HLCS: variants seen among roughly 807,000 people sequenced by gnomAD.
HLCS encodes holocarboxylase synthetase.
HLCS carries 53 observed loss-of-function variants against 75.0 expected under a neutral mutation model. The observed-to-expected ratio is 0.71, with a 90% CI of 0.57 to 0.89. HLCS has a LOEUF of 0.89. HLCS is among the 40% of genes least tolerant of loss of function. HLCS has a pLI of 0.00. For synonymous variants in HLCS, 431 were observed against 428.6 expected (o/e 1.01, Z -0.07); for missense variants, 966 against 1,074.0 (o/e 0.90, Z 1.41).
chr21:36,865,840 C>A (rs1472437358), intron 6 of HLCS, among the ~76,000 whole-genome samples: 2 of 152,198 alleles, frequency 1.3e-5, no homozygotes, highest in Non-Finnish European at 2.9e-5. Context: ...TCTCTTATAT[C>A]TCACATCTGG....
intron 6 of HLCS, among the ~76,000 whole-genome samples, chr21:36,780,486 G>T (rs1332651025): frequency 6.6e-6 from 1 of 152,040 alleles, no homozygotes; most frequent in African/African-American, 2.4e-5. Flanking sequence ...CCAAAGTGCT[G>T]GGATTACAGG....
chr21:36,964,785 GA>G (rs2068481369), intron 1 of HLCS, among the ~76,000 whole-genome samples: 1 of 152,188 alleles, frequency 6.6e-6, no homozygotes, highest in African/African-American at 2.4e-5. Context: ...AACTGTCCAA[GA>G]AAATCAGACA....
intron 6 of HLCS, among the ~76,000 whole-genome samples, chr21:36,837,390 A>G (rs2062451598): frequency 6.6e-6 from 1 of 152,232 alleles, no homozygotes; most frequent in South Asian, 2.1e-4. Context: ...GAAATCCCCA[A>G]CTACACATCA....
rs540132294 is a variant in HLCS, at chr21:36,777,368, A to G, written c.1893-10083T>C. Among the ~76,000 whole-genome samples the G allele has an allele frequency of 6.3e-4, 96 of 152,382 alleles. 2 individuals carry two copies. The South Asian group carries it at 0.02, about 32-fold the overall frequency. On this transcript the variant is annotated intron_variant, in intron 6 of 10. Transcript: ENST00000674895. ...TTTAAAATTTTTTCTGACCCTTTAA[A>G]ATGTAAAAAAACATGCTTAGCTCTC...
At chr21:36,841,605 G>T (rs1488323948) in intron 6 of HLCS, among the ~76,000 whole-genome samples, 1 of 152,230 alleles carries the variant, frequency 6.6e-6, no homozygotes, top group Non-Finnish European at 1.5e-5. Flanking sequence ...CCTAGGCTGG[G>T]AAACAGTATC....
intron 1 of HLCS, among the ~76,000 whole-genome samples, chr21:36,989,346 C>T (rs981508765): frequency 4.2e-5 from 5 of 118,364 alleles, no homozygotes; most frequent in East Asian, 5.4e-4. Context: ...TTTAATGAGA[C>T]GGAGTTCGCT....
intron 3 of HLCS, among the ~76,000 whole-genome samples, chr21:36,938,230 T>C (rs1345341984): frequency 6.6e-6 from 1 of 152,234 alleles, no homozygotes; most frequent in South Asian, 2.1e-4. Flanking sequence ...ACACTAGTTA[T>C]ACTGTATTAA....
chr21:36,767,429 A>G (rs558018032), intron 6 of HLCS, 144 bp from the exon 7 acceptor site: 16 of 765,114 alleles, frequency 2.1e-5, no homozygotes, highest in African/African-American at 1.9e-4. Flanking sequence ...GGCCTTCAGG[A>G]ATGTGGAGCC....
At chr21:36,779,456 C>T (rs2060462863) in intron 6 of HLCS, among the ~76,000 whole-genome samples, 1 of 152,150 alleles carries the variant, frequency 6.6e-6, no homozygotes, top group Admixed American at 6.5e-5. Flanking sequence ...CCACAAGGTT[C>T]ATTCTAGCCC....
chr21:36,758,107 T>A (rs936507263), intron 9 of HLCS, among the ~76,000 whole-genome samples: 2 of 152,198 alleles, frequency 1.3e-5, no homozygotes, highest in African/African-American at 4.8e-5. Context: ...TTTTTATTTT[T>A]ATTTATTTAT....
chr21:36,891,272 T>C (rs532682242), intron 6 of HLCS, among the ~76,000 whole-genome samples: 1 of 152,340 alleles, frequency 6.6e-6, no homozygotes, highest in Admixed American at 6.5e-5. Context: ...AGCTGGGTCC[T>C]TGACACGTGA....
At chr21:36,857,296 C>G (rs1157324747) in intron 6 of HLCS, among the ~76,000 whole-genome samples, 1 of 152,162 alleles carries the variant, frequency 6.6e-6, no homozygotes, top group Non-Finnish European at 1.5e-5. Context: ...CCTCAAGATC[C>G]TTTCTTCTTC....
intron 6 of HLCS, among the ~76,000 whole-genome samples, chr21:36,837,076 T>C (rs1415720826): frequency 2.0e-5 from 3 of 152,056 alleles, no homozygotes; most frequent in Non-Finnish European, 2.9e-5. Flanking sequence ...CCAGCTACTC[T>C]GGAGGCTGAG....
intron 5 of HLCS, among the ~76,000 whole-genome samples, chr21:36,902,934 T>C (rs143305162): frequency 6.6e-6 from 1 of 152,270 alleles, no homozygotes; most frequent in Non-Finnish European, 1.5e-5. Flanking sequence ...TAACTGAGAC[T>C]AACCGACCAC....
At chr21:36,910,624 G>A (rs1439358905) in intron 5 of HLCS, among the ~76,000 whole-genome samples, 1 of 151,560 alleles carries the variant, frequency 6.6e-6, no homozygotes, top group Non-Finnish European at 1.5e-5. Context: ...TTGATCATCT[G>A]ACAACCCTTG....
intron 6 of HLCS, among the ~76,000 whole-genome samples, chr21:36,888,448 ATATATATATATATATATATATATATATAT>A (rs2064604900): frequency 5.7e-4 from 15 of 26,510 alleles, no homozygotes; most frequent in East Asian, 1.9e-3. Flanking sequence ...AAAAAAAAAT[ATATATATATATATATATATATATATATAT>A]ATATATATAT....
At chr21:36,830,446 A>C (rs2062163829) in intron 6 of HLCS, among the ~76,000 whole-genome samples, 1 of 152,152 alleles carries the variant, frequency 6.6e-6, no homozygotes, top group African/African-American at 2.4e-5. Flanking sequence ...TTGTCAGAAT[A>C]TATCTTTCTC....
chr21:36,793,354 G>T (rs2060930730), intron 6 of HLCS, among the ~76,000 whole-genome samples: 1 of 148,994 alleles, frequency 6.7e-6, no homozygotes, highest in Non-Finnish European at 1.5e-5. Context: ...GGAGTGCAGT[G>T]GCGCAATCTT....
rs1211868591 is a variant in HLCS, at chr21:36,778,383, G to A, written c.1893-11098C>T. 4.0e-5 allele frequency among the ~76,000 whole-genome samples: 6 copies of A among 151,668 alleles called. No individual in the cohort carries two copies. In the East Asian group the frequency reaches 5.8e-4, roughly 15 times the overall value. On this transcript the variant is annotated intron_variant, in intron 6 of 10. Coordinates refer to ENST00000674895, the MANE Select transcript of HLCS (RefSeq NM_001352514.2). ...CAACCCCTGCCTCCTGGGTTCAGGC[G>A]ATTCTCCTGCCACAGCCTCCCGAGT...
Sources: gnomAD v4.1 joint callset for allele counts (sites outside exome capture counted in the v4.1 genomes callset) on GRCh38, gnomAD v4.1.1 for gene constraint, MANE v1.5 for transcripts, NCBI Gene and HGNC (gene_info 2026-07-23, HGNC 2026-07-21) for gene names.